The following SGCZ variants were observed in gnomAD, a reference collection of about 807,000 sequenced individuals.
The protein encoded by SGCZ is sarcoglycan zeta.
A neutral mutation model predicts 41.3 loss-of-function variants in SGCZ; 40 were observed. The observed-to-expected ratio is 0.97, with a 90% CI of 0.75 to 1.26. SGCZ has a LOEUF of 1.26. SGCZ is among the 50% of genes most tolerant of loss of function. SGCZ has a pLI of 0.00. For missense variants in SGCZ, 552 were observed against 369.8 expected (o/e 1.49, Z -4.04); for synonymous variants, 206 against 137.5 (o/e 1.50, Z -3.49).
intron 1 of SGCZ, among the ~76,000 whole-genome samples, chr8:14,623,991 C>G (rs11987643): frequency 6.6e-6 from 1 of 152,130 alleles, no homozygotes; most frequent in South Asian, 2.1e-4. Flanking sequence ...TAAACCCTAA[C>G]TGATTCAGGT....
chr8:14,157,361 T>A (rs377660308), intron 5 of SGCZ, among the ~76,000 whole-genome samples: 25,250 of 125,918 alleles, frequency 0.2, 2,444 homozygotes, highest in African/African-American at 0.29. Flanking sequence ...TGTGTGTGTG[T>A]GTGAGTGTGT....
intron 1 of SGCZ, among the ~76,000 whole-genome samples, chr8:14,825,730 T>TAACCACTGTTCTACCGTCTATTCTGGG (rs1802284116): frequency 6.6e-6 from 1 of 152,160 alleles, no homozygotes; most frequent in Non-Finnish European, 1.5e-5. Flanking sequence ...CAGTGTCTGG[T>TAACCACTGTTCTACCGTCTATTCTGGG]AACCACTGTT....
intron 1 of SGCZ, among the ~76,000 whole-genome samples, chr8:15,115,515 T>C (rs1204399531): frequency 6.6e-6 from 1 of 152,196 alleles, no homozygotes; most frequent in African/African-American, 2.4e-5. Flanking sequence ...ATTGTTAATA[T>C]GTTACAGATT....
At chr8:15,016,337 C>G (rs1226628528) in intron 1 of SGCZ, among the ~76,000 whole-genome samples, 1 of 152,132 alleles carries the variant, frequency 6.6e-6, no homozygotes, top group African/African-American at 2.4e-5. Flanking sequence ...ACAGAATACA[C>G]AGCAGATGCT....
chr8:14,528,850 A>T (rs13262117), intron 2 of SGCZ, among the ~76,000 whole-genome samples: 2 of 150,416 alleles, frequency 1.3e-5, no homozygotes, highest in African/African-American at 2.5e-5. Flanking sequence ...AAACAAAAAC[A>T]AAAAAAGAGA....
chr8:14,306,211 G>C (rs1163083738), intron 3 of SGCZ, among the ~76,000 whole-genome samples: 1 of 152,132 alleles, frequency 6.6e-6, no homozygotes, highest in East Asian at 1.9e-4. Flanking sequence ...AACAAAAGTA[G>C]TTTACAAATC....
intron 3 of SGCZ, among the ~76,000 whole-genome samples, chr8:14,286,685 T>C (rs754666765): frequency 6.6e-6 from 1 of 152,174 alleles, no homozygotes; most frequent in Non-Finnish European, 1.5e-5. Context: ...AATTGTATGT[T>C]ATTTTCAAAG....
intron 1 of SGCZ, among the ~76,000 whole-genome samples, chr8:14,626,541 G>C (rs1563162807): frequency 6.6e-6 from 1 of 152,140 alleles, no homozygotes; most frequent in African/African-American, 2.4e-5. Flanking sequence ...GTCATTGCAA[G>C]TGTAAATATT....
At chr8:14,925,922 T>A (rs1002010700) in intron 1 of SGCZ, among the ~76,000 whole-genome samples, 1 of 152,162 alleles carries the variant, frequency 6.6e-6, no homozygotes, top group Non-Finnish European at 1.5e-5. Context: ...ATGGGCAGAA[T>A]AGTGACAACA....
chr8:14,779,332 C>T (rs1487877113), intron 1 of SGCZ, among the ~76,000 whole-genome samples: 1 of 152,226 alleles, frequency 6.6e-6, no homozygotes. Context: ...AGCATTTCCA[C>T]TGAGAAGCCT....
intron 1 of SGCZ, among the ~76,000 whole-genome samples, chr8:14,910,381 A>G (rs1472487466): frequency 6.6e-6 from 1 of 152,070 alleles, no homozygotes; most frequent in African/African-American, 2.4e-5. Context: ...CAACTTAAAA[A>G]TGGCTTAACT....
At chr8:14,956,063 C>G (rs1441216076) in intron 1 of SGCZ, among the ~76,000 whole-genome samples, 1 of 112,396 alleles carries the variant, frequency 8.9e-6, no homozygotes, top group South Asian at 2.8e-4. Flanking sequence ...TTTTTTGAGA[C>G]GGAGTTTCAT....
chr8:14,583,039 G>A (rs1186567016), intron 1 of SGCZ, among the ~76,000 whole-genome samples: 4 of 150,552 alleles, frequency 2.7e-5, no homozygotes, highest in African/African-American at 4.9e-5. Flanking sequence ...TGGGATGGCT[G>A]GGTCAAATGG....
At chr8:14,699,069 A>C (rs1454885841) in intron 1 of SGCZ, among the ~76,000 whole-genome samples, 3 of 151,800 alleles carry the variant, frequency 2.0e-5, no homozygotes, top group Non-Finnish European at 4.4e-5. Flanking sequence ...TTTGAGCTTT[A>C]ATTTATACAA....
chr8:14,820,903 A>G (rs569106006), intron 1 of SGCZ, among the ~76,000 whole-genome samples: 2 of 149,802 alleles, frequency 1.3e-5, no homozygotes, highest in East Asian at 4.0e-4. Context: ...TAAAAAACAT[A>G]AAAACACCCT....
chr8:14,313,910 CTGTG>C (rs34489718), intron 3 of SGCZ, among the ~76,000 whole-genome samples: 4,196 of 144,606 alleles, frequency 0.029, 132 homozygotes, highest in African/African-American at 0.071. Flanking sequence ...TATCATCTCT[CTGTG>C]TGTGTGTGTG....
In SGCZ at chr8:14,705,877, A is replaced by G. The variant is rs535437466; in HGVS notation, c.40-150951T>C. 9.1e-4 allele frequency among the ~76,000 whole-genome samples: 138 copies of G among 152,190 alleles called. 4 individuals carry two copies. Among genetic ancestry groups the G allele is most frequent in the Non-Finnish European group, 5.2e-4 (35 of 67,930 alleles). On this transcript the variant is annotated intron_variant, in intron 1 of 7. Transcript: ENST00000382080. ...TGTAACTTTCTGAACACGAATCACT[A>G]TATTTTTAGAGAAAGTCTCTCTTCC...
At chr8:15,140,793 T>A (rs188328573) in intron 1 of SGCZ, among the ~76,000 whole-genome samples, 186 of 152,294 alleles carry the variant, frequency 1.2e-3, no homozygotes, top group African/African-American at 3.3e-3. Context: ...GCTCATTCCA[T>A]CCTTATTTCA....
At chr8:14,817,558 C>T (rs199687832) in intron 1 of SGCZ, among the ~76,000 whole-genome samples, 1 of 152,158 alleles carries the variant, frequency 6.6e-6, no homozygotes, top group East Asian at 1.9e-4. Context: ...ATTCCCATTC[C>T]TGAGACACCA....
Sources: allele counts gnomAD v4.1 joint callset (sites outside exome capture counted in the v4.1 genomes callset), GRCh38; gene constraint gnomAD v4.1.1; transcripts MANE v1.5; gene names NCBI Gene and HGNC (gene_info 2026-07-23, HGNC 2026-07-21).